Variants in NR2F1-AS1 observed in about 807,000 individuals in gnomAD.
NR2F1-AS1 encodes the protein NR2F1 antisense RNA 1.
intron 4 of NR2F1-AS1, among the ~76,000 whole-genome samples, chr5:93,523,107 T>C (rs1751537279): frequency 6.6e-6 from 1 of 152,152 alleles, no homozygotes; most frequent in Admixed American, 6.5e-5. Context: ...CTTGAAATTG[T>C]TGCTCTGCCA....
intron 4 of NR2F1-AS1, among the ~76,000 whole-genome samples, chr5:93,445,877 G>A (rs2149854755): frequency 6.6e-6 from 1 of 152,258 alleles, no homozygotes; most frequent in South Asian, 2.1e-4. Flanking sequence ...TCATCCCTGG[G>A]ATGCAAGGCT....
intron 4 of NR2F1-AS1, among the ~76,000 whole-genome samples, chr5:93,450,937 A>G (rs1477017124): frequency 6.7e-6 from 1 of 149,326 alleles, no homozygotes; most frequent in Admixed American, 6.6e-5. Flanking sequence ...AAAAAAAAAA[A>G]AACAGAGAGA....
chr5:93,530,527 T>G (rs1166543216), intron 4 of NR2F1-AS1, among the ~76,000 whole-genome samples: 2 of 152,184 alleles, frequency 1.3e-5, no homozygotes, highest in Non-Finnish European at 2.9e-5. Context: ...TGCCTCTCAT[T>G]GGAGGCAGCA....
intron 4 of NR2F1-AS1, among the ~76,000 whole-genome samples, chr5:93,466,298 AT>A (rs1750230357): frequency 6.7e-6 from 1 of 148,844 alleles, no homozygotes; most frequent in South Asian, 2.2e-4. Flanking sequence ...CACTGCCATA[AT>A]TTTTTTAATC....
intron 1 of NR2F1-AS1, among the ~76,000 whole-genome samples, chr5:93,568,463 G>A (rs2149925197): frequency 6.6e-6 from 1 of 152,256 alleles, no homozygotes; most frequent in South Asian, 2.1e-4. Flanking sequence ...GAACTACAAA[G>A]TCACAGTGCA....
intron 4 of NR2F1-AS1, among the ~76,000 whole-genome samples, chr5:93,461,712 C>A (rs1750098445): frequency 6.6e-6 from 1 of 152,090 alleles, no homozygotes; most frequent in African/African-American, 2.4e-5. Context: ...ATTAATTATG[C>A]CAAATAAATA....
At chr5:93,467,972 G>A (rs1750276565) in intron 4 of NR2F1-AS1, among the ~76,000 whole-genome samples, 1 of 152,160 alleles carries the variant, frequency 6.6e-6, no homozygotes, top group African/African-American at 2.4e-5. Flanking sequence ...CCATGTCCCT[G>A]CAAAGGACAT....
intron 4 of NR2F1-AS1, among the ~76,000 whole-genome samples, chr5:93,430,164 A>T (rs957366926): frequency 6.6e-6 from 1 of 152,206 alleles, no homozygotes; most frequent in Non-Finnish European, 1.5e-5. Context: ...TGAGTGAGGG[A>T]GTGAGACAAT....
intron 4 of NR2F1-AS1, among the ~76,000 whole-genome samples, chr5:93,455,915 A>G (rs1020183131): frequency 4.6e-5 from 7 of 152,068 alleles, no homozygotes; most frequent in African/African-American, 1.4e-4. Flanking sequence ...ACCTATTCAT[A>G]ATAAACCCTG....
intron 4 of NR2F1-AS1, among the ~76,000 whole-genome samples, chr5:93,423,775 C>A (rs911155403): frequency 6.6e-6 from 1 of 152,126 alleles, no homozygotes; most frequent in African/African-American, 2.4e-5. Context: ...TTTCATGAGT[C>A]AGCATTGGTT....
chr5:93,548,463 T>C (rs1752140183), intron 4 of NR2F1-AS1, among the ~76,000 whole-genome samples: 1 of 152,152 alleles, frequency 6.6e-6, no homozygotes, highest in Admixed American at 6.5e-5. Context: ...ACGTAGAAAG[T>C]ACAGAGTCAG....
intron 4 of NR2F1-AS1, among the ~76,000 whole-genome samples, chr5:93,495,197 T>C (rs890288604): frequency 6.6e-6 from 1 of 152,184 alleles, no homozygotes; most frequent in African/African-American, 2.4e-5. Flanking sequence ...AAAATCTCCA[T>C]AGGGTTTACA....
chr5:93,437,848 C>A (rs1370977), intron 4 of NR2F1-AS1, among the ~76,000 whole-genome samples: 26,207 of 152,062 alleles, frequency 0.17, 3,522 homozygotes, highest in African/African-American at 0.38. Context: ...AATATTCCTT[C>A]AAAACAGCTT....
chr5:93,581,721 TCTCTCTCTCTCTCCCCCTCTCCCTCTCC>T (rs1753050708), upstream of NR2F1-AS1, among the ~76,000 whole-genome samples: 2 of 58,656 alleles, frequency 3.4e-5, no homozygotes, highest in Non-Finnish European at 6.2e-5. Flanking sequence ...TCTCTCTCTC[TCTCTCTCTCTCTCCCCCTCTCCCTCTCC>T]CTCTCCCTCT....
chr5:93,531,898 A>G (rs955309542), intron 4 of NR2F1-AS1, among the ~76,000 whole-genome samples: 1 of 152,218 alleles, frequency 6.6e-6, no homozygotes, highest in Non-Finnish European at 1.5e-5. Flanking sequence ...ATTTATTTCT[A>G]TTCCTGGAAT....
At chr5:93,493,633 T>C (rs1029182607) in intron 4 of NR2F1-AS1, among the ~76,000 whole-genome samples, 5 of 152,170 alleles carry the variant, frequency 3.3e-5, no homozygotes, top group Admixed American at 3.3e-4. Flanking sequence ...CAGTATGGTA[T>C]TGGCATAATA....
At chr5:93,509,618 A>G (rs964458457) in intron 4 of NR2F1-AS1, among the ~76,000 whole-genome samples, 5 of 152,046 alleles carry the variant, frequency 3.3e-5, no homozygotes, top group Non-Finnish European at 7.4e-5. Context: ...GGAACTCAAG[A>G]GTCTTTATGA....
chr5:93,584,439 G>A (rs1219109961), upstream of NR2F1-AS1: 1 of 149,146 alleles, frequency 6.7e-6, no homozygotes, highest in African/African-American at 2.4e-5. Flanking sequence ...GACTGTGTGT[G>A]CGAGTGTGTG....
chr5:93,540,538 C>A (rs1751927228), intron 4 of NR2F1-AS1, among the ~76,000 whole-genome samples: 1 of 152,110 alleles, frequency 6.6e-6, no homozygotes, highest in Admixed American at 6.6e-5. Context: ...TCTGACATTC[C>A]AGCACTAAAA....
Sources: gnomAD v4.1 joint callset for allele counts (sites outside exome capture counted in the v4.1 genomes callset) on GRCh38, gnomAD v4.1.1 for gene constraint, MANE v1.5 for transcripts, NCBI Gene and HGNC (gene_info 2026-07-23, HGNC 2026-07-21) for gene names.